TXLNB: variants seen among roughly 807,000 people sequenced by gnomAD.
TXLNB encodes the protein beta-taxilin.
TXLNB carries 37 observed loss-of-function variants against 57.4 expected under a neutral mutation model. That is an observed-to-expected ratio of 0.64 (90% confidence interval 0.50 to 0.85). The LOEUF (loss-of-function observed/expected upper bound fraction) is 0.85. TXLNB is among the 40% of genes least tolerant of loss of function. TXLNB has a pLI of 0.00. For missense variants in TXLNB, 848 were observed against 825.6 expected (o/e 1.03, Z -0.33); for synonymous variants, 302 against 309.6 (o/e 0.98, Z 0.26).
In TXLNB at chr6:139,288,930, T is replaced by C. The variant is rs1396702171; in HGVS notation, c.-14-17A>G. The C allele has an allele frequency of 6.3e-7, 1 of 1,586,580 alleles. No homozygotes were observed. The highest frequency in any genetic ancestry group is 8.6e-7 in the Non-Finnish European group (1 of 1,162,410). Reference sequence around the variant, plus strand: ...GAGTAGTATCTAGTGGTAAGCACAGTTAGGCTTTATGTAGCTAACCTACTT... The same window carrying C: ...GAGTAGTATCTAGTGGTAAGCACAGCTAGGCTTTATGTAGCTAACCTACTT... On this transcript the variant is annotated splice_polypyrimidine_tract_variant and intron_variant, in intron 1 of 9. Transcript: ENST00000358430.
the TXLNB span, among the ~76,000 whole-genome samples, chr6:139,207,179 C>A: frequency 2.0e-5 from 3 of 152,152 alleles, no homozygotes; most frequent in Admixed American, 6.5e-5. Context: ...GCAGAATATT[C>A]ATTATTCTCA....
At chr6:139,303,620 A>G in the TXLNB span, among the ~76,000 whole-genome samples, 1 of 151,898 alleles carries the variant, frequency 6.6e-6, no homozygotes. Context: ...AATGAAGAAT[A>G]TAAGTAATTA....
chr6:139,250,357 C>CTTTTTTTTT (rs61441759), intron 7 of TXLNB, among the ~76,000 whole-genome samples: 5 of 118,882 alleles, frequency 4.2e-5, no homozygotes, highest in Non-Finnish European at 6.9e-5. Context: ...TTCTTTCTTT[C>CTTTTTTTTT]TTTTTTTTTT....
At chr6:139,216,896 C>G in the TXLNB span, among the ~76,000 whole-genome samples, 1 of 152,118 alleles carries the variant, frequency 6.6e-6, no homozygotes, top group African/African-American at 2.4e-5. Flanking sequence ...GGATGAAAGA[C>G]TACATATTGG....
At chr6:139,276,786 G>T (rs1295729855) in intron 3 of TXLNB, 44 bp downstream of exon 3, 6 of 1,464,396 alleles carry the variant, frequency 4.1e-6, no homozygotes, top group Non-Finnish European at 5.7e-6. Context: ...GAGGCACTGG[G>T]CTCACTAATC....
At chr6:139,210,758 C>T in the TXLNB span, among the ~76,000 whole-genome samples, 1 of 152,230 alleles carries the variant, frequency 6.6e-6, no homozygotes, top group Non-Finnish European at 1.5e-5. Context: ...CAGATGGCAC[C>T]TGGAAAATCG....
At chr6:139,301,642 C>T in the TXLNB span, among the ~76,000 whole-genome samples, 5 of 152,244 alleles carry the variant, frequency 3.3e-5, no homozygotes, top group South Asian at 2.1e-4. Flanking sequence ...GAGTCCTCAC[C>T]GAAGAAAGTG....
chr6:139,270,990 T>G (rs1776747259), intron 3 of TXLNB, among the ~76,000 whole-genome samples: 1 of 152,190 alleles, frequency 6.6e-6, no homozygotes, highest in African/African-American at 2.4e-5. Context: ...ATGCCTTGCA[T>G]TGAGGCAATG....
At chr6:139,260,182 T>G (rs1776444744) in intron 6 of TXLNB, 136 bp downstream of exon 6, 1 of 1,060,868 alleles carries the variant, frequency 9.4e-7, no homozygotes, top group South Asian at 1.8e-5. Context: ...ATCACGCCAC[T>G]GCATTTCAGC....
intron 6 of TXLNB, among the ~76,000 whole-genome samples, chr6:139,259,257 G>A (rs901604344): frequency 1.3e-5 from 2 of 152,160 alleles, no homozygotes; most frequent in African/African-American, 2.4e-5. Context: ...AGCAGATCAT[G>A]CCATCACTTC....
At chr6:139,160,308 T>C in the TXLNB span, among the ~76,000 whole-genome samples, 3 of 152,366 alleles carry the variant, frequency 2.0e-5, no homozygotes, top group African/African-American at 7.2e-5. Context: ...CTTGTTAGAT[T>C]ATCACAGTTT....
Position 139,283,556 on chromosome 6 carries a change from A to G in TXLNB, c.424+4920T>C, listed in dbSNP as rs558585621. Among the ~76,000 whole-genome samples the G allele has an allele frequency of 1.5e-5, 2 of 137,746 alleles. 1 individual carries two copies. Among genetic ancestry groups the G allele is most frequent in the East Asian group, 4.2e-4 (2 of 4,788 alleles). The allele number at this position is 137,746 out of a possible 152,430, so 90.4% of individuals were successfully genotyped here. ...GCACCATTGCACTCCAGCCTGGGCA[A>G]TGAGAGCGAAACTCCGTCTCAAAAA... On this transcript the variant is annotated intron_variant, in intron 2 of 9. Coordinates refer to ENST00000358430, the MANE Select transcript of TXLNB (RefSeq NM_153235.4).
At chr6:139,213,911 T>C in the TXLNB span, among the ~76,000 whole-genome samples, 2 of 147,722 alleles carry the variant, frequency 1.4e-5, no homozygotes, top group Non-Finnish European at 3.1e-5. Context: ...ACATACACTC[T>C]CCCAAGACTA....
the TXLNB span, among the ~76,000 whole-genome samples, chr6:139,316,316 A>G: frequency 6.6e-6 from 1 of 152,114 alleles, no homozygotes; most frequent in Non-Finnish European, 1.5e-5. Flanking sequence ...TTAATATCTG[A>G]TCACCTTTGA....
downstream of TXLNB, chr6:139,239,713 G>GTCTTGAACTCCCAGGCTCAC (rs541267109): frequency 7.6e-4 from 116 of 152,264 alleles, 1 homozygote; most frequent in African/African-American, 2.7e-3. This position sits in a 1 kb window ranked among gnomAD's most constrained non-coding sequence, Gnocchi z 4.7. Flanking sequence ...GCCCAGGCTG[G>GTCTTGAACTCCCAGGCTCAC]TCTTGAACTC....
At chr6:139,235,718 G>A (rs548234710), downstream of TXLNB, among the ~76,000 whole-genome samples, 4 of 151,804 alleles carry the variant, frequency 2.6e-5, no homozygotes, top group South Asian at 2.1e-4. Flanking sequence ...CCCAGGGACC[G>A]AGGTGAGGAC....
At chr6:139,277,411 C>T (rs978379891) in intron 2 of TXLNB, among the ~76,000 whole-genome samples, 3 of 152,132 alleles carry the variant, frequency 2.0e-5, no homozygotes, top group Admixed American at 6.6e-5. Context: ...GTAGCCTGCC[C>T]GTTTTTTCCC....
the TXLNB span, among the ~76,000 whole-genome samples, chr6:139,198,107 G>A: frequency 6.6e-6 from 1 of 151,646 alleles, no homozygotes; most frequent in African/African-American, 2.4e-5. Context: ...AAATCCCTGA[G>A]AAAACTCCTA....
upstream of TXLNB, among the ~76,000 whole-genome samples, chr6:139,296,566 A>C (rs1004488739): frequency 1.3e-5 from 2 of 152,086 alleles, no homozygotes; most frequent in Non-Finnish European, 2.9e-5. Context: ...TGTAGACTCA[A>C]ATGTTTAACC....
Sources: gnomAD v4.1 joint callset for allele counts (sites outside exome capture counted in the v4.1 genomes callset) on GRCh38, gnomAD v4.1.1 for gene constraint, Gnocchi (gnomAD v3.1) non-coding constraint, MANE v1.5 for transcripts, NCBI Gene and HGNC (gene_info 2026-07-23, HGNC 2026-07-21) for gene names.